BACH2: variants seen among roughly 807,000 people sequenced by gnomAD.
The protein encoded by BACH2 is BACH transcriptional regulator 2.
BACH2 carries 5 observed loss-of-function variants against 61.8 expected under a neutral mutation model. That is an observed-to-expected ratio of 0.08 (90% CI 0.04 to 0.17). BACH2 has a LOEUF of 0.17. Ranked by LOEUF, BACH2 falls within the 10% of genes least tolerant of loss-of-function variation. BACH2 has a pLI of 1.00. For synonymous variants in BACH2, 446 were observed against 440.1 expected (o/e 1.01, Z -0.17); for missense variants, 824 against 1,091.1 (o/e 0.76, Z 3.45).
chr6:90,176,453 TCAAC>T (rs1482437060), intron 4 of BACH2, among the ~76,000 whole-genome samples: 1 of 152,124 alleles, frequency 6.6e-6, no homozygotes, highest in African/African-American at 2.4e-5. Context: ...CTGGACAACC[TCAAC>T]CAGCTTAAGG....
intron 3 of BACH2, among the ~76,000 whole-genome samples, chr6:90,237,312 T>C (rs1582518593): frequency 6.6e-6 from 1 of 152,134 alleles, no homozygotes; most frequent in South Asian, 2.1e-4. Context: ...AACAAACAAT[T>C]AAATGTTATT....
At chr6:90,259,658 T>C (rs187414954) in intron 2 of BACH2, among the ~76,000 whole-genome samples, 1 of 152,318 alleles carries the variant, frequency 6.6e-6, no homozygotes, top group Admixed American at 6.5e-5. Flanking sequence ...ATCAATTCTT[T>C]GAATGTCTGG....
At chr6:90,246,543 G>A (rs767136125) in intron 3 of BACH2, among the ~76,000 whole-genome samples, 3 of 151,656 alleles carry the variant, frequency 2.0e-5, no homozygotes, top group African/African-American at 4.9e-5. Flanking sequence ...ACATTCACCC[G>A]AAACAAAATA....
At chr6:90,046,921 A>ATTTCTTTCTTTC (rs71556551) in intron 5 of BACH2, among the ~76,000 whole-genome samples, 3,257 of 150,478 alleles carry the variant, frequency 0.022, 44 homozygotes, top group African/African-American at 0.029. Flanking sequence ...TGCCCATGTA[A>ATTTCTTTCTTTC]TTTCTTTCTT....
chr6:90,088,116 G>A (rs1172533314), intron 5 of BACH2, among the ~76,000 whole-genome samples: 3 of 151,822 alleles, frequency 2.0e-5, no homozygotes, highest in Non-Finnish European at 4.4e-5. Context: ...TAGATCCCAT[G>A]AGTAAGTGAG....
chr6:90,068,242 A>G (rs920218873), intron 5 of BACH2, among the ~76,000 whole-genome samples: 1 of 152,210 alleles, frequency 6.6e-6, no homozygotes, highest in Non-Finnish European at 1.5e-5. Context: ...GAAATTAAAC[A>G]TGACATGGTA....
Position 90,013,300 on chromosome 6 carries a change from T to G in BACH2, c.-12-4444A>C, listed in dbSNP as rs7772122. On this transcript the variant is annotated intron_variant, in intron 5 of 8. Transcript: ENST00000257749. ...GCATTGTCTAGAAGCTCTAGTTCAATGCTGAATAGAGGTGATGAGACTAAA... is the reference window on the plus strand; with the variant it reads ...GCATTGTCTAGAAGCTCTAGTTCAAGGCTGAATAGAGGTGATGAGACTAAA... Among the ~76,000 whole-genome samples the G allele has an allele frequency of 4.8e-3, 736 of 152,330 alleles. 4 individuals carry two copies. The highest frequency in any genetic ancestry group is 0.016 in the African/African-American group (682 of 41,576).
At chr6:90,201,004 C>T (rs1768938758) in intron 4 of BACH2, among the ~76,000 whole-genome samples, 1 of 152,098 alleles carries the variant, frequency 6.6e-6, no homozygotes, top group African/African-American at 2.4e-5. Flanking sequence ...GATTAGACTG[C>T]ACATGCTGTT....
At chr6:90,122,601 C>A (rs1290637859) in intron 4 of BACH2, among the ~76,000 whole-genome samples, 1 of 152,218 alleles carries the variant, frequency 6.6e-6, no homozygotes, top group African/African-American at 2.4e-5. Flanking sequence ...AAAAAAATTT[C>A]TACTGAGACA....
intron 5 of BACH2, among the ~76,000 whole-genome samples, chr6:90,014,004 G>C (rs779212351): frequency 2.0e-5 from 3 of 151,626 alleles, no homozygotes; most frequent in Non-Finnish European, 2.9e-5. Context: ...GGCTGCTCTT[G>C]AATTCCTGGC....
chr6:90,219,129 G>C (rs1426973003), intron 3 of BACH2, among the ~76,000 whole-genome samples: 1 of 152,150 alleles, frequency 6.6e-6, no homozygotes, highest in Non-Finnish European at 1.5e-5. Context: ...TCCAACACCA[G>C]ACATTTTCAG....
intron 4 of BACH2, among the ~76,000 whole-genome samples, chr6:90,117,698 C>T (rs1308174101): frequency 6.6e-6 from 1 of 152,092 alleles, no homozygotes; most frequent in Non-Finnish European, 1.5e-5. Flanking sequence ...TCCATGAATC[C>T]CATCAAAGAC....
At position 89,929,308 on chromosome 6, in the gene BACH2, G is replaced by C. The variant is rs1772513801; in HGVS notation, c.*3100C>G. The C allele has an allele frequency of 6.6e-6, 1 of 152,258 alleles. No homozygotes were observed. The highest frequency in any genetic ancestry group is 1.5e-5 in the Non-Finnish European group (1 of 68,060). The allele number at this position is 152,258 out of a possible 1,614,324, so 9.4% of individuals were successfully genotyped here. A position where few individuals can be genotyped will look rare whatever the true frequency, so the allele number is the denominator to read the frequency against. ...TCTTTTTCCTAAAAGGCGTGGGGTTGACAGAGGGATCCCAGGGAAAAGAGA... is the reference window on the plus strand; with the variant it reads ...TCTTTTTCCTAAAAGGCGTGGGGTTCACAGAGGGATCCCAGGGAAAAGAGA... On this transcript the variant is annotated 3_prime_UTR_variant, in exon 9 of 9. Coordinates refer to ENST00000257749, the MANE Select transcript of BACH2 (RefSeq NM_021813.4).
chr6:90,239,808 C>T (rs1770383148), intron 3 of BACH2, among the ~76,000 whole-genome samples: 1 of 109,446 alleles, frequency 9.1e-6, no homozygotes, highest in African/African-American at 3.4e-5. Context: ...TACACACACA[C>T]ACACACACAC....
At chr6:89,974,522 C>A (rs567379663) in intron 6 of BACH2, among the ~76,000 whole-genome samples, 1 of 152,136 alleles carries the variant, frequency 6.6e-6, no homozygotes, top group Non-Finnish European at 1.5e-5. Flanking sequence ...CCATATATCA[C>A]GGGAGAAAAA....
chr6:90,150,085 G>T (rs1159228713), intron 4 of BACH2, among the ~76,000 whole-genome samples: 7 of 152,062 alleles, frequency 4.6e-5, no homozygotes, highest in Admixed American at 4.6e-4. Flanking sequence ...CTTTCTTATT[G>T]TTCTGATCAT....
chr6:90,187,193 T>G (rs182034176), intron 4 of BACH2, among the ~76,000 whole-genome samples: 2 of 152,234 alleles, frequency 1.3e-5, no homozygotes, highest in Admixed American at 6.5e-5. Context: ...ACCTGACAGA[T>G]CTGGAGGAAA....
chr6:90,156,071 A>G (rs1280807126), intron 4 of BACH2, among the ~76,000 whole-genome samples: 14 of 152,180 alleles, frequency 9.2e-5, no homozygotes, highest in Admixed American at 9.2e-4. Context: ...TATCTGATGA[A>G]GCAGTGACTC....
At chr6:89,974,323 G>A (rs1034406767) in intron 6 of BACH2, among the ~76,000 whole-genome samples, 6 of 152,074 alleles carry the variant, frequency 3.9e-5, no homozygotes, top group East Asian at 1.9e-4. Context: ...ATCCCATAGC[G>A]TCAATGAGTT....
Sources: allele counts gnomAD v4.1 joint callset (sites outside exome capture counted in the v4.1 genomes callset), GRCh38; gene constraint gnomAD v4.1.1; transcripts MANE v1.5; gene names NCBI Gene and HGNC (gene_info 2026-07-23, HGNC 2026-07-21).